The following RICTOR variants were observed in gnomAD, a reference collection of about 807,000 sequenced individuals.
RICTOR encodes RPTOR independent companion of MTOR complex 2.
Under a neutral mutation model 214.9 loss-of-function variants are expected in RICTOR, and 49 were observed. That is an observed-to-expected ratio of 0.23 (90% CI 0.18 to 0.29). The LOEUF (loss-of-function observed/expected upper bound fraction) is 0.29, where lower values mean the gene tolerates loss of function less well. Ranked by LOEUF, RICTOR falls within the 10% of genes least tolerant of loss-of-function variation. The pLI is 1.00. For synonymous variants in RICTOR, 717 were observed against 711.3 expected (o/e 1.01, Z -0.13); for missense variants, 1,625 against 2,047.0 (o/e 0.79, Z 3.98).
intron 12 of RICTOR, 47 bp from the exon 13 acceptor site, chr5:38,967,474 A>G: frequency 7.4e-7 from 1 of 1,358,152 alleles, no homozygotes. Flanking sequence ...TATCACTGAA[A>G]CATTTCAGAT....
At chr5:39,000,802 G>A (rs544610300) in intron 5 of RICTOR, among the ~76,000 whole-genome samples, 37 of 151,680 alleles carry the variant, frequency 2.4e-4, no homozygotes, top group Non-Finnish European at 1.3e-4. Context: ...ATCTCCAACA[G>A]GTCAATATCT....
rs570917576 is a variant in RICTOR, at chr5:39,042,494, T to C, written c.98-21358A>G. ...CTAAAAGTCACACTAATACCAGATA[T>C]GGCAATGAGATCTGAACTTAAGCTG... On this transcript the variant is annotated intron_variant, in intron 2 of 37. Transcript: ENST00000357387. Among the ~76,000 whole-genome samples, 3 of 152,318 alleles carry C rather than the reference T, an allele frequency of 2.0e-5. No homozygotes were observed. In the East Asian group the frequency reaches 5.8e-4, roughly 29 times the overall value.
chr5:39,024,309 T>C (rs530299228), intron 2 of RICTOR, among the ~76,000 whole-genome samples: 8 of 152,122 alleles, frequency 5.3e-5, no homozygotes, highest in Non-Finnish European at 8.8e-5. Flanking sequence ...TCTTTATACT[T>C]AGAGATTTTG....
At chr5:39,010,513 A>C (rs550722941) in intron 3 of RICTOR, among the ~76,000 whole-genome samples, 1 of 152,208 alleles carries the variant, frequency 6.6e-6, no homozygotes, top group Non-Finnish European at 1.5e-5. Context: ...TAGAGGGCTC[A>C]GAAGACAGAG....
intron 3 of RICTOR, among the ~76,000 whole-genome samples, chr5:39,017,853 T>C (rs993127841): frequency 7.2e-5 from 11 of 152,116 alleles, no homozygotes; most frequent in Non-Finnish European, 1.6e-4. Flanking sequence ...AATGTACACA[T>C]ACATTTACTT....
intron 2 of RICTOR, among the ~76,000 whole-genome samples, chr5:39,037,986 T>C (rs1756863839): frequency 1.3e-5 from 2 of 152,238 alleles, no homozygotes; most frequent in South Asian, 2.1e-4. Context: ...AGCATCATCC[T>C]GATACCAAAG....
In RICTOR at chr5:39,035,416, T is replaced by C. The variant is rs187432460; in HGVS notation, c.98-14280A>G. Among the ~76,000 whole-genome samples, 19 of 152,100 alleles carry C rather than the reference T, an allele frequency of 1.2e-4. No individual in the cohort carries two copies. In the East Asian group the frequency reaches 2.7e-3, roughly 22 times the overall value. Reference sequence around the variant, plus strand: ...TGAAAATTCTAAATATCAGAGCACCTCTCACCCTCCAAAGTAACACAGCTC... The same window carrying C: ...TGAAAATTCTAAATATCAGAGCACCCCTCACCCTCCAAAGTAACACAGCTC... On this transcript the variant is annotated intron_variant, in intron 2 of 37. Coordinates refer to ENST00000357387, the MANE Select transcript of RICTOR (RefSeq NM_152756.5).
intron 19 of RICTOR, among the ~76,000 whole-genome samples, chr5:38,961,802 T>C (rs1749817525): frequency 6.6e-6 from 1 of 152,114 alleles, no homozygotes; most frequent in South Asian, 2.1e-4. Flanking sequence ...TCAGTAGTAA[T>C]AGCTGGTTAG....
intron 2 of RICTOR, among the ~76,000 whole-genome samples, chr5:39,041,287 G>C (rs369016598): frequency 1.3e-5 from 2 of 152,242 alleles, no homozygotes; most frequent in East Asian, 3.9e-4. Context: ...TGAACTCAAG[G>C]AATAGCAAGA....
intron 6 of RICTOR, among the ~76,000 whole-genome samples, chr5:38,991,631 C>T (rs1752783405): frequency 6.6e-6 from 1 of 152,088 alleles, no homozygotes; most frequent in African/African-American, 2.4e-5. Context: ...TCCCATCAAT[C>T]ACTTGTTGCT....
rs202084185 is a variant in RICTOR at position 39,062,417 on chromosome 5, CTT to C, written c.97+11692_97+11693del. Among the ~76,000 whole-genome samples the C allele has an allele frequency of 3.6e-4, 54 of 151,096 alleles. No individual in the cohort carries two copies. In the East Asian group the frequency reaches 0.01, roughly 29 times the overall value. On this transcript the variant is annotated intron_variant, in intron 2 of 37. Coordinates refer to ENST00000357387, the MANE Select transcript of RICTOR (RefSeq NM_152756.5). Reference sequence around the variant, plus strand: ...TTCCCCTCAGAGTTTTTCATTTTTCCTTTTTTTTTCTTCTTGAGGGAGGGGAG... The same window carrying C: ...TTCCCCTCAGAGTTTTTCATTTTTCCTTTTTTTCTTCTTGAGGGAGGGGAG...
Position 38,998,619 on chromosome 5 carries a change from A to T in RICTOR, c.393-1737T>A, listed in dbSNP as rs150517431. ...CAAATAGAACACAGGTGATTCACAT[A>T]TTGGAGTTGTCAGAGGGGACTTCAA... On this transcript the variant is annotated intron_variant, in intron 5 of 37. Coordinates refer to ENST00000357387, the MANE Select transcript of RICTOR (RefSeq NM_152756.5). 6.9e-3 allele frequency among the ~76,000 whole-genome samples: 1,057 copies of T among 152,364 alleles called. 54 individuals are homozygous for T. In the East Asian group the frequency reaches 0.12, roughly 18 times the overall value.
rs114388691 is a variant in RICTOR, at chr5:39,010,248, A to T, written c.196-6626T>A. 7.6e-3 allele frequency among the ~76,000 whole-genome samples: 1,158 copies of T among 152,230 alleles called. 15 individuals carry two copies. The highest frequency in any genetic ancestry group is 0.027 in the African/African-American group (1,109 of 41,506). ...GGCACTCATTTTCCCTCCTGCTGCC[A>T]TGTGAAGAAGGATGTGTTTGATTCC... On this transcript the variant is annotated intron_variant, in intron 3 of 37. Transcript: ENST00000357387.
intron 2 of RICTOR, among the ~76,000 whole-genome samples, chr5:39,035,780 GAAAC>G (rs570788692): frequency 3.5e-4 from 54 of 152,300 alleles, no homozygotes; most frequent in African/African-American, 1.1e-3. Flanking sequence ...AAAATAAAAA[GAAAC>G]AAACAAAGCC....
chr5:38,967,368 T>G lies in RICTOR; in HGVS notation c.1120A>C (p.Lys374Gln). ...CTGGCACGATGAGGAAGAATAGTTT[T>G]TGCCTCAGCTGCCACAAAGCCATCT... ...LSDGFVAAEA[K>Q]TILPHRARSR... The change falls in exon 13 of 38, where the codon AAA becomes CAA. Residue 374 changes from lysine to glutamine, a missense_variant. Around this residue, in one of 5 missense-constraint regions of RICTOR, gnomAD observed 1,214 missense variants for 1,470.5 expected, o/e 0.83. Transcript: ENST00000357387. The G allele has an allele frequency of 6.2e-7, 1 of 1,613,928 alleles. No homozygotes were observed.
At chr5:38,990,740 T>TATCTGACATATATCAG (rs1183959172) in intron 7 of RICTOR, among the ~76,000 whole-genome samples, 9 of 99,990 alleles carry the variant, frequency 9.0e-5, no homozygotes, top group African/African-American at 2.8e-4. Context: ...ATATATGATA[T>TATCTGACATATATCAG]ATATGAGATA....
At chr5:39,025,526 C>A (rs1470657297) in intron 2 of RICTOR, among the ~76,000 whole-genome samples, 1 of 152,168 alleles carries the variant, frequency 6.6e-6, no homozygotes, top group Non-Finnish European at 1.5e-5. Flanking sequence ...GTTCAGTATA[C>A]TATAAAACTA....
chr5:39,038,700 T>C (rs1410087637), intron 2 of RICTOR, among the ~76,000 whole-genome samples: 3 of 152,132 alleles, frequency 2.0e-5, no homozygotes. Flanking sequence ...AAATCATGAG[T>C]GAACTCCCAT....
intron 5 of RICTOR, among the ~76,000 whole-genome samples, chr5:38,997,667 C>G (rs1753276969): frequency 6.6e-6 from 1 of 152,012 alleles, no homozygotes; most frequent in Admixed American, 6.6e-5. Context: ...AAAAAAAATA[C>G]TTTACAGTAT....
Sources: allele counts gnomAD v4.1 joint callset (sites outside exome capture counted in the v4.1 genomes callset), GRCh38; gene constraint gnomAD v4.1.1; regional missense constraint gnomAD v4.1.1; transcripts MANE v1.5; gene names NCBI Gene and HGNC (gene_info 2026-07-23, HGNC 2026-07-21).